Variants in PTPRG observed in about 807,000 individuals in gnomAD.
PTPRG encodes receptor-type tyrosine-protein phosphatase gamma.
A neutral mutation model predicts 165.3 loss-of-function variants in PTPRG; 102 were observed. The ratio of observed to expected loss-of-function variants is 0.62; its 90% confidence interval spans 0.53 to 0.73. The LOEUF (loss-of-function observed/expected upper bound fraction) is 0.73. PTPRG is among the 30% of genes least tolerant of loss of function. PTPRG has a pLI of 0.00. For synonymous variants in PTPRG, 675 were observed against 669.5 expected (o/e 1.01, Z -0.13); for missense variants, 1,866 against 1,861.4 (o/e 1.00, Z -0.05).
chr3:61,647,526 C>T (rs1263313440), intron 1 of PTPRG, among the ~76,000 whole-genome samples: 5 of 152,116 alleles, frequency 3.3e-5, no homozygotes, highest in Non-Finnish European at 7.3e-5. Context: ...CACAGTGGCT[C>T]ACGCCTGTAA....
intron 1 of PTPRG, among the ~76,000 whole-genome samples, chr3:61,747,464 G>A (rs1271564781): frequency 6.6e-6 from 1 of 152,184 alleles, no homozygotes; most frequent in Non-Finnish European, 1.5e-5. Flanking sequence ...GAGGACCAAT[G>A]AGCAGACATA....
At chr3:61,815,242 CAA>C (rs749800087) in intron 2 of PTPRG, among the ~76,000 whole-genome samples, 12,001 of 110,068 alleles carry the variant, frequency 0.11, 703 homozygotes, top group East Asian at 0.22. Flanking sequence ...ACTAAAAATA[CAA>C]AAAAAAAAAA....
At chr3:61,837,037 A>G (rs1404502861) in intron 2 of PTPRG, among the ~76,000 whole-genome samples, 1 of 152,118 alleles carries the variant, frequency 6.6e-6, no homozygotes, top group East Asian at 1.9e-4. Flanking sequence ...CACCCCCCAG[A>G]GTAGCTGGGA....
chr3:61,753,323 A>G (rs2033515587), intron 2 of PTPRG, among the ~76,000 whole-genome samples: 1 of 152,192 alleles, frequency 6.6e-6, no homozygotes, highest in Admixed American at 6.5e-5. Flanking sequence ...TAAGTTTCAT[A>G]TAGAATTGTA....
chr3:62,068,173 T>C (rs1701083526), intron 4 of PTPRG, among the ~76,000 whole-genome samples: 1 of 152,162 alleles, frequency 6.6e-6, no homozygotes, highest in African/African-American at 2.4e-5. Context: ...AAAATAGTAG[T>C]ATTGATTTAA....
chr3:61,930,538 T>TAAAGACAAA (rs2039332532), intron 2 of PTPRG, among the ~76,000 whole-genome samples: 2 of 152,172 alleles, frequency 1.3e-5, no homozygotes, highest in Non-Finnish European at 2.9e-5. Flanking sequence ...GAACAACTGT[T>TAAAGACAAA]TTCTTCATCT....
intron 2 of PTPRG, among the ~76,000 whole-genome samples, chr3:61,833,943 T>G (rs2036385509): frequency 6.6e-6 from 1 of 152,174 alleles, no homozygotes; most frequent in Non-Finnish European, 1.5e-5. Context: ...ATCCACAAAG[T>G]TATGGGTCTT....
chr3:62,276,898 A>C, intron 24 of PTPRG, 74 bp from the exon 25 acceptor site: 6 of 1,147,968 alleles, frequency 5.2e-6, no homozygotes, highest in South Asian at 2.6e-5. Context: ...TCATCAAGCA[A>C]ATCTCAGAAA....
chr3:61,786,141 A>G (rs781626343), intron 2 of PTPRG, among the ~76,000 whole-genome samples: 5 of 152,202 alleles, frequency 3.3e-5, no homozygotes, highest in Non-Finnish European at 7.3e-5. Context: ...ACAAACAAAC[A>G]TATTTTCCCC....
intron 2 of PTPRG, among the ~76,000 whole-genome samples, chr3:61,764,262 T>A (rs1287789132): frequency 9.2e-5 from 14 of 152,128 alleles, no homozygotes; most frequent in Admixed American, 9.2e-4. Context: ...TTCTGAATCT[T>A]TGGAGAAATA....
intron 14 of PTPRG, among the ~76,000 whole-genome samples, chr3:62,232,667 G>A (rs1217919944): frequency 1.3e-5 from 2 of 152,020 alleles, no homozygotes; most frequent in Admixed American, 6.6e-5. Flanking sequence ...TATGTACTTC[G>A]ACCCCCACGT....
At chr3:61,779,057 C>A (rs2034467443) in intron 2 of PTPRG, among the ~76,000 whole-genome samples, 1 of 151,976 alleles carries the variant, frequency 6.6e-6, no homozygotes, top group African/African-American at 2.4e-5. Context: ...GGAGGATTTA[C>A]ACACACACAG....
intron 2 of PTPRG, among the ~76,000 whole-genome samples, chr3:61,979,360 T>G (rs553296800): frequency 2.6e-5 from 4 of 152,250 alleles, no homozygotes; most frequent in African/African-American, 9.6e-5. Flanking sequence ...TTTTGGTGAA[T>G]GCCTTGTTTG....
intron 1 of PTPRG, chr3:61,742,641 C>A (rs2033039729): frequency 6.2e-7 from 1 of 1,605,030 alleles, no homozygotes; most frequent in Non-Finnish European, 8.5e-7. Context: ...TCATTTGGAA[C>A]TTGATTGTGG....
chr3:62,039,714 G>A (rs17065722), intron 4 of PTPRG, among the ~76,000 whole-genome samples: 3,545 of 152,254 alleles, frequency 0.023, 57 homozygotes, highest in South Asian at 0.064. Flanking sequence ...GGGGTGATTA[G>A]CGATGTAGCG....
chr3:62,238,416 C>T (rs1306594318), intron 14 of PTPRG, among the ~76,000 whole-genome samples: 1 of 152,110 alleles, frequency 6.6e-6, no homozygotes, highest in Non-Finnish European at 1.5e-5. Flanking sequence ...ACTTGGAATT[C>T]AGGATGTCGG....
chr3:62,175,127 A>G lies in PTPRG; in HGVS notation c.1033+6964A>G, dbSNP rs372422064. 5.3e-5 allele frequency among the ~76,000 whole-genome samples: 8 copies of G among 152,332 alleles called. No homozygotes were observed. The East Asian group carries it at 1.3e-3, about 26-fold the overall frequency. On this transcript the variant is annotated intron_variant, in intron 8 of 29. Transcript: ENST00000474889. ...TCATGATTACTCTAAGTTTATGTAA[A>G]TATATGAGTTGGTGTTAAGTTGCAT... is the stretch of plus-strand genomic sequence containing the variant.
At chr3:62,048,334 A>G (rs1041561779) in intron 4 of PTPRG, among the ~76,000 whole-genome samples, 6 of 152,188 alleles carry the variant, frequency 3.9e-5, no homozygotes, top group Non-Finnish European at 8.8e-5. Flanking sequence ...GACAGTTTAT[A>G]ACTTTCCTCC....
chr3:61,595,093 T>C (rs988963310), intron 1 of PTPRG, among the ~76,000 whole-genome samples: 2 of 151,336 alleles, frequency 1.3e-5, no homozygotes, highest in African/African-American at 2.5e-5. Context: ...CTACGTTCTT[T>C]GGTTTCTGTC....
Sources: allele counts gnomAD v4.1 joint callset (sites outside exome capture counted in the v4.1 genomes callset), GRCh38; gene constraint gnomAD v4.1.1; transcripts MANE v1.5; gene names NCBI Gene and HGNC (gene_info 2026-07-23, HGNC 2026-07-21).